CNTNAP5: variants seen among roughly 807,000 people sequenced by gnomAD.
CNTNAP5 encodes the protein contactin associated protein family member 5.
Under a neutral mutation model 150.2 loss-of-function variants are expected in CNTNAP5, and 72 were observed. That is an observed-to-expected ratio of 0.48 (90% CI 0.40 to 0.58). The LOEUF is 0.58. Among genes scored for constraint, CNTNAP5 ranks in the 20% least tolerant of loss-of-function variants. The probability of loss-of-function intolerance (pLI) is 0.00; values close to 1 mark genes in which losing one functional copy is unlikely to be tolerated. For synonymous variants in CNTNAP5, 672 were observed against 619.8 expected (o/e 1.08, Z -1.25); for missense variants, 1,636 against 1,626.2 (o/e 1.01, Z -0.10).
At chr2:124,642,127 A>G (rs1186640833) in intron 12 of CNTNAP5, among the ~76,000 whole-genome samples, 1 of 152,244 alleles carries the variant, frequency 6.6e-6, no homozygotes, top group East Asian at 1.9e-4. Flanking sequence ...TAGGTCACAC[A>G]GAGATGCACT....
At chr2:124,515,721 C>T (rs925804008) in intron 8 of CNTNAP5, among the ~76,000 whole-genome samples, 1 of 152,160 alleles carries the variant, frequency 6.6e-6, no homozygotes, top group East Asian at 1.9e-4. Flanking sequence ...ATAGGTGGAG[C>T]AGAGGCTGGG....
intron 13 of CNTNAP5, among the ~76,000 whole-genome samples, chr2:124,703,959 C>T (rs895416897): frequency 8.5e-5 from 13 of 152,250 alleles, no homozygotes; most frequent in Admixed American, 5.9e-4. Flanking sequence ...AATTTCCATC[C>T]ACAGATGTAA....
chr2:124,107,841 C>T (rs1683202709), intron 1 of CNTNAP5, among the ~76,000 whole-genome samples: 3 of 152,264 alleles, frequency 2.0e-5, no homozygotes, highest in East Asian at 1.9e-4. Flanking sequence ...TGCTTTTATA[C>T]ATTTTAGGAA....
chr2:124,254,897 G>T (rs530194386), intron 3 of CNTNAP5, among the ~76,000 whole-genome samples: 4 of 152,050 alleles, frequency 2.6e-5, no homozygotes, highest in Non-Finnish European at 5.9e-5. Flanking sequence ...TTGTCCTACC[G>T]CAGACACAGA....
chr2:124,182,087 A>G (rs1419070583), intron 1 of CNTNAP5, among the ~76,000 whole-genome samples: 1 of 152,196 alleles, frequency 6.6e-6, no homozygotes, highest in Non-Finnish European at 1.5e-5. Context: ...GTAATTTAAG[A>G]AAAGTGGCTT....
At chr2:124,425,096 T>C (rs1692209215) in intron 4 of CNTNAP5, among the ~76,000 whole-genome samples, 1 of 152,204 alleles carries the variant, frequency 6.6e-6, no homozygotes, top group South Asian at 2.1e-4. Flanking sequence ...AGGCCTTGCC[T>C]CCTACAATTT....
rs1246546184 is a variant in CNTNAP5, at chr2:124,457,896, C to CA, written c.918+10965dup. Among the ~76,000 whole-genome samples the CA allele has an allele frequency of 2.6e-5, 4 of 151,768 alleles. No individual in the cohort carries two copies. In the East Asian group the frequency reaches 7.7e-4, roughly 29 times the overall value. On this transcript the variant is annotated intron_variant, in intron 6 of 23. Coordinates refer to ENST00000682447, the MANE Select transcript of CNTNAP5 (RefSeq NM_001367498.1). ...TTACTCCTGCAAGAATGGCCATAAT[C>CA]AAAAAATCAAAAAATAGTAGATGTT...
chr2:124,448,116 A>G (rs1692869196), intron 6 of CNTNAP5, among the ~76,000 whole-genome samples: 1 of 151,944 alleles, frequency 6.6e-6, no homozygotes, highest in African/African-American at 2.4e-5. Flanking sequence ...AAAACACAAA[A>G]AACTAGCCGG....
intron 11 of CNTNAP5, among the ~76,000 whole-genome samples, chr2:124,569,962 C>T (rs1452956696): frequency 1.3e-5 from 2 of 152,134 alleles, no homozygotes; most frequent in African/African-American, 2.4e-5. Flanking sequence ...GGTGAGAAAA[C>T]ATGCCTTACT....
intron 10 of CNTNAP5, among the ~76,000 whole-genome samples, chr2:124,557,576 C>A (rs1390488558): frequency 1.3e-5 from 2 of 152,124 alleles, no homozygotes; most frequent in African/African-American, 2.4e-5. Context: ...ACCAAACAGA[C>A]AACAAGCAGC....
intron 13 of CNTNAP5, among the ~76,000 whole-genome samples, chr2:124,735,033 G>A (rs968307410): frequency 4.6e-5 from 7 of 151,972 alleles, no homozygotes; most frequent in African/African-American, 1.7e-4. Flanking sequence ...CCATATCCTG[G>A]GTAAAATGCA....
chr2:124,588,148 TTCC>T (rs1161964031), intron 11 of CNTNAP5, among the ~76,000 whole-genome samples: 17 of 118,254 alleles, frequency 1.4e-4, no homozygotes, highest in African/African-American at 5.3e-4. Flanking sequence ...CCTTCCTTCC[TTCC>T]TTCCTTTTCC....
At position 124,242,324 on chromosome 2, in the gene CNTNAP5, G is replaced by A. The variant is rs747133475; in HGVS notation, c.312G>A (p.Thr104=). Residue 104 remains threonine, a synonymous_variant, in exon 3 of 24, where the codon ACG becomes ACA. Transcript: ENST00000682447. ...GATACGGAAGCTCTGACTGGGTGAC[G>A]AGTTACAGCCTGATGTTCAGTGACA... ...QGRYGSSDWV[T]SYSLMFSDTG... is the part of the protein sequence containing the mutation. The A allele has an allele frequency of 6.8e-6, 11 of 1,613,118 alleles. No homozygotes were observed. Among genetic ancestry groups the A allele is most frequent in the African/African-American group, 4.0e-5 (3 of 74,888 alleles).
chr2:124,549,970 G>A (rs1342475700), intron 10 of CNTNAP5, among the ~76,000 whole-genome samples: 4 of 152,198 alleles, frequency 2.6e-5, no homozygotes, highest in Admixed American at 2.6e-4. Context: ...CACGCTACCT[G>A]CGTGGGCCTG....
rs1372915806 is a variant in CNTNAP5, at chr2:124,358,127, T to C, written c.382-59316T>C. 5.9e-5 allele frequency among the ~76,000 whole-genome samples: 9 copies of C among 152,320 alleles called. No individual in the cohort carries two copies. In the East Asian group the frequency reaches 1.5e-3, roughly 26 times the overall value. ...TCTGTCTGTTGTTGGTGTATAAGAATGCTTGTGATTTTTGTACATTGATTT... is the reference window on the plus strand; with the variant it reads ...TCTGTCTGTTGTTGGTGTATAAGAACGCTTGTGATTTTTGTACATTGATTT... On this transcript the variant is annotated intron_variant, in intron 3 of 23. Transcript: ENST00000682447.
intron 3 of CNTNAP5, among the ~76,000 whole-genome samples, chr2:124,305,725 C>G (rs537679784): frequency 2.0e-5 from 3 of 152,302 alleles, no homozygotes; most frequent in African/African-American, 7.2e-5. Flanking sequence ...TTCTCTCTTG[C>G]CTTTCTGCTT....
chr2:124,337,966 A>G (rs1689519064), intron 3 of CNTNAP5, among the ~76,000 whole-genome samples: 1 of 152,114 alleles, frequency 6.6e-6, no homozygotes, highest in African/African-American at 2.4e-5. Context: ...CAGTGTGGCC[A>G]TTTTCATGAT....
intron 10 of CNTNAP5, among the ~76,000 whole-genome samples, chr2:124,543,392 G>A (rs558671333): frequency 6.6e-6 from 1 of 152,272 alleles, no homozygotes. Context: ...GTTAAAGGAT[G>A]TAAGCAGCCT....
At chr2:124,321,469 GA>G (rs1558849839) in intron 3 of CNTNAP5, among the ~76,000 whole-genome samples, 4 of 150,512 alleles carry the variant, frequency 2.7e-5, no homozygotes, top group African/African-American at 9.7e-5. Context: ...AAAAGAAAAA[GA>G]AAAAAAGAAA....
Sources: gnomAD v4.1 joint callset for allele counts (sites outside exome capture counted in the v4.1 genomes callset) on GRCh38, gnomAD v4.1.1 for gene constraint, MANE v1.5 for transcripts, NCBI Gene and HGNC (gene_info 2026-07-23, HGNC 2026-07-21) for gene names.